Variants in MACROD2 observed in about 807,000 individuals in gnomAD.
The protein encoded by MACROD2 is ADP-ribose glycohydrolase MACROD2.
Under a neutral mutation model 70.4 loss-of-function variants are expected in MACROD2, and 36 were observed. The observed-to-expected ratio is 0.51, with a 90% CI of 0.39 to 0.68. The LOEUF (loss-of-function observed/expected upper bound fraction) is 0.68. Among genes scored for constraint, MACROD2 ranks in the 30% least tolerant of loss-of-function variants. The pLI is 0.00. For synonymous variants in MACROD2, 172 were observed against 178.8 expected, an observed-to-expected ratio of 0.96 and a Z score of 0.30; for missense variants, 496 against 538.4, an observed-to-expected ratio of 0.92 and a Z score of 0.78.
chr20:14,065,890 A>G lies in MACROD2; in HGVS notation c.164-19731A>G, dbSNP rs8117032. 2.8e-3 allele frequency among the ~76,000 whole-genome samples: 423 copies of G among 152,354 alleles called. 5 individuals are homozygous for G. Among genetic ancestry groups the G allele is most frequent in the East Asian group, 0.022 (115 of 5,184 alleles). ...AAATAACATTAAGTTACAAGACAAC[A>G]TGCAAAATACGTGAGTCGTCATTGT... On this transcript the variant is annotated intron_variant, in intron 2 of 17. Coordinates refer to ENST00000684519, the MANE Select transcript of MACROD2 (RefSeq NM_001351661.2).
intron 8 of MACROD2, among the ~76,000 whole-genome samples, chr20:15,808,691 A>G (rs1186757033): frequency 1.3e-5 from 2 of 152,230 alleles, no homozygotes; most frequent in East Asian, 1.9e-4. Flanking sequence ...ATACATAATA[A>G]GAAATAAAGG....
intron 6 of MACROD2, among the ~76,000 whole-genome samples, chr20:15,334,139 T>TC (rs2146195992): frequency 6.6e-6 from 1 of 151,762 alleles, no homozygotes; most frequent in East Asian, 1.9e-4. Flanking sequence ...CTTCTTTGCC[T>TC]CCTAGTATAT....
intron 4 of MACROD2, chr20:14,628,902 A>G (rs1036551666): frequency 1.3e-5 from 2 of 152,192 alleles, no homozygotes; most frequent in African/African-American, 4.8e-5. Context: ...AGTTTCCGTA[A>G]TCTTTCCTCA....
intron 8 of MACROD2, among the ~76,000 whole-genome samples, chr20:15,628,590 C>A (rs540222265): frequency 6.6e-6 from 1 of 152,196 alleles, no homozygotes; most frequent in Admixed American, 6.5e-5. Context: ...TGTTGCAGTC[C>A]GTGATTTTGT....
At chr20:14,523,510 T>C (rs574170157) in intron 4 of MACROD2, 2 of 152,170 alleles carry the variant, frequency 1.3e-5, no homozygotes, top group Non-Finnish European at 2.9e-5. Flanking sequence ...CCCCAGGAGA[T>C]TGGGGACTCA....
chr20:15,970,495 G>A (rs2066213645), intron 13 of MACROD2, among the ~76,000 whole-genome samples: 1 of 151,450 alleles, frequency 6.6e-6, no homozygotes, highest in Non-Finnish European at 1.5e-5. Flanking sequence ...GTAAGTCTCA[G>A]TGGCCCCTGA....
chr20:15,345,166 G>T (rs904110385), intron 6 of MACROD2, among the ~76,000 whole-genome samples: 1 of 152,136 alleles, frequency 6.6e-6, no homozygotes, highest in Non-Finnish European at 1.5e-5. Flanking sequence ...GAAAGGGCCC[G>T]CCTTCTAATG....
chr20:15,761,638 C>A (rs1383836967), intron 8 of MACROD2, among the ~76,000 whole-genome samples: 1 of 152,146 alleles, frequency 6.6e-6, no homozygotes, highest in Non-Finnish European at 1.5e-5. Flanking sequence ...GAAACTAAGA[C>A]ATGAGGAGAC....
intron 8 of MACROD2, among the ~76,000 whole-genome samples, chr20:15,705,557 TTA>T (rs1314686837): frequency 6.6e-6 from 1 of 152,054 alleles, no homozygotes; most frequent in Non-Finnish European, 1.5e-5. Context: ...GTAGCTGGGA[TTA>T]TAGTCACCCT....
At chr20:14,595,267 G>GGAAAAACCAGTACCAGC (rs1982048710) in intron 4 of MACROD2, among the ~76,000 whole-genome samples, 1 of 152,088 alleles carries the variant, frequency 6.6e-6, no homozygotes. Flanking sequence ...TGAAGGGTGA[G>GGAAAAACCAGTACCAGC]CACGGTGGGG....
intron 13 of MACROD2, among the ~76,000 whole-genome samples, chr20:15,986,358 A>G (rs2066483523): frequency 1.3e-5 from 2 of 152,174 alleles, no homozygotes; most frequent in Admixed American, 1.3e-4. Flanking sequence ...AATCCTCACT[A>G]TGGGAAATAT....
chr20:14,054,820 CAG>C (rs2053613683), intron 2 of MACROD2, among the ~76,000 whole-genome samples: 1 of 152,082 alleles, frequency 6.6e-6, no homozygotes, highest in African/African-American at 2.4e-5. Context: ...GTGAAGTACT[CAG>C]AGATGAGAAC....
chr20:15,728,688 A>G (rs980616469), intron 8 of MACROD2, among the ~76,000 whole-genome samples: 1 of 152,046 alleles, frequency 6.6e-6, no homozygotes, highest in African/African-American at 2.4e-5. Flanking sequence ...GTGTGCATAG[A>G]GGTGTTTGTA....
intron 4 of MACROD2, among the ~76,000 whole-genome samples, chr20:14,518,465 G>A (rs1196143219): frequency 1.3e-5 from 2 of 152,046 alleles, no homozygotes; most frequent in Non-Finnish European, 2.9e-5. Context: ...TATGTGAATG[G>A]AAATCATTTC....
intron 5 of MACROD2, among the ~76,000 whole-genome samples, chr20:14,922,117 C>T (rs2122641302): frequency 6.6e-6 from 1 of 152,218 alleles, no homozygotes; most frequent in African/African-American, 2.4e-5. Flanking sequence ...AACAAATCTC[C>T]CATCTTTCCT....
intron 8 of MACROD2, among the ~76,000 whole-genome samples, chr20:15,772,892 T>A (rs188204189): frequency 1.5e-4 from 23 of 152,144 alleles, no homozygotes; most frequent in African/African-American, 5.3e-4. Flanking sequence ...GATATTTCTT[T>A]CCTGGAAAAA....
chr20:14,568,571 C>G (rs1979962917), intron 4 of MACROD2, among the ~76,000 whole-genome samples: 1 of 151,972 alleles, frequency 6.6e-6, no homozygotes, highest in South Asian at 2.1e-4. Flanking sequence ...TAATTTACCT[C>G]TGAATATGTT....
chr20:15,613,951 C>G (rs2049003754), intron 8 of MACROD2, among the ~76,000 whole-genome samples: 1 of 152,202 alleles, frequency 6.6e-6, no homozygotes, highest in Non-Finnish European at 1.5e-5. Flanking sequence ...TTGACTGCAC[C>G]TTACACCTAT....
At chr20:16,033,266 A>G (rs1240842486) in intron 15 of MACROD2, among the ~76,000 whole-genome samples, 1 of 152,116 alleles carries the variant, frequency 6.6e-6, no homozygotes, top group Non-Finnish European at 1.5e-5. Context: ...TGTAGAATGC[A>G]AGAAAGCTAA....
Sources: gnomAD v4.1 joint callset for allele counts (sites outside exome capture counted in the v4.1 genomes callset) on GRCh38, gnomAD v4.1.1 for gene constraint, MANE v1.5 for transcripts, NCBI Gene and HGNC (gene_info 2026-07-23, HGNC 2026-07-21) for gene names.